The following RAI1 variants were observed in gnomAD, a reference collection of about 807,000 sequenced individuals.
RAI1 encodes the protein retinoic acid induced 1.
In RAI1, 9 loss-of-function variants were observed where a neutral mutation model predicts 123.8. The ratio of observed to expected loss-of-function variants is 0.07; its 90% CI spans 0.04 to 0.13. The LOEUF is 0.13. RAI1 is among the 10% of genes least tolerant of loss of function. RAI1 has a pLI of 1.00. For missense variants in RAI1, 2,256 were observed against 2,545.8 expected (o/e 0.89, Z 2.45); for synonymous variants, 1,231 against 1,127.3 (o/e 1.09, Z -1.84).
In RAI1 at chr17:17,810,685, T is replaced by C; in HGVS notation, c.*704T>C. 9 of 380,446 alleles carry C rather than the reference T, an allele frequency of 2.4e-5. No homozygotes were observed. The highest frequency in any genetic ancestry group is 1.6e-4 in the South Asian group (9 of 55,186). 23.6% of individuals were successfully genotyped at this position (380,446 alleles called of 1,614,324 possible). On this transcript the variant is annotated 3_prime_UTR_variant, in exon 6 of 6. Coordinates refer to ENST00000353383, the MANE Select transcript of RAI1 (RefSeq NM_030665.4). This position sits in a 1 kb window ranked among gnomAD's most constrained non-coding sequence, Gnocchi z 4.6. The stretch of plus-strand genomic sequence containing the variant: ...AGTTAGGGGTTGCGGGATCCCCGAG[T>C]GTGGGCGGGACTGGGACACCCTTTG...
chr17:17,761,842 A>G (rs1006163313), intron 2 of RAI1, among the ~76,000 whole-genome samples: 1 of 151,794 alleles, frequency 6.6e-6, no homozygotes, highest in Non-Finnish European at 1.5e-5. Flanking sequence ...AACACAGTTG[A>G]GTGGGAGAAA....
intron 4 of RAI1, 138 bp downstream of exon 4, chr17:17,803,987 T>C: frequency 1.1e-6 from 1 of 871,750 alleles, no homozygotes; most frequent in Non-Finnish European, 1.9e-6. Flanking sequence ...AGCAATTCTT[T>C]TATCCTTCTG....
chr17:17,709,917 C>T (rs1482953861), intron 1 of RAI1, among the ~76,000 whole-genome samples: 2 of 152,180 alleles, frequency 1.3e-5, no homozygotes, highest in African/African-American at 4.8e-5. Flanking sequence ...AGCAGACAGG[C>T]GTGCGCACAT....
chr17:17,700,185 C>T (rs1200005672), intron 1 of RAI1, among the ~76,000 whole-genome samples: 2 of 152,260 alleles, frequency 1.3e-5, no homozygotes, highest in African/African-American at 4.8e-5. Flanking sequence ...TTTGGGAAAG[C>T]ACATCTGCTC....
intron 2 of RAI1, among the ~76,000 whole-genome samples, chr17:17,730,339 T>C (rs867672710): frequency 1.3e-5 from 2 of 152,230 alleles, no homozygotes; most frequent in African/African-American, 2.4e-5. Context: ...AACTCATGTT[T>C]GCATAATGCA....
intron 2 of RAI1, among the ~76,000 whole-genome samples, chr17:17,731,318 C>T (rs566125621): frequency 1.3e-5 from 2 of 152,302 alleles, no homozygotes; most frequent in East Asian, 1.9e-4. Context: ...GATGCCCTGG[C>T]GAAGGCACCC....
In RAI1 at chr17:17,809,428, C is replaced by G. The variant is rs1039699590; in HGVS notation, c.5698C>G (p.Pro1900Ala). 1.2e-6 allele frequency: 2 copies of G among 1,604,750 alleles called. No individual in the cohort carries two copies. The highest frequency in any genetic ancestry group is 1.7e-6 in the Non-Finnish European group (2 of 1,171,688). Residue 1900 changes from proline to alanine, a missense_variant, in exon 5 of 6, where the codon CCC becomes GCC. This residue lies in a region of RAI1 where 243 missense variants were observed against 316.6 expected (regional missense o/e 0.77). Coordinates refer to ENST00000353383, the MANE Select transcript of RAI1 (RefSeq NM_030665.4). The surrounding 1 kb of genome is among the most constrained non-coding windows in gnomAD (Gnocchi z 4.9). Reference protein sequence around the residue: ...FIEENFSLKCPKHKRLP With the variant: ...FIEENFSLKCAKHKRLP ...CGAAGAGAACTTTTCTTTGAAATGT[C>G]CCAAACATAAGGTAGGGGACCACAG...
chr17:17,739,693 T>G (rs1916554271), intron 2 of RAI1, among the ~76,000 whole-genome samples: 1 of 152,178 alleles, frequency 6.6e-6, no homozygotes, highest in South Asian at 2.1e-4. Flanking sequence ...CATCCCTACC[T>G]CCACTCCTTG....
At chr17:17,733,478 AT>A (rs1916332726) in intron 2 of RAI1, among the ~76,000 whole-genome samples, 2 of 152,184 alleles carry the variant, frequency 1.3e-5, no homozygotes, top group Admixed American at 1.3e-4. Flanking sequence ...AAGATGATTC[AT>A]TCATTCCAGG....
intron 2 of RAI1, among the ~76,000 whole-genome samples, chr17:17,757,745 C>G (rs553618255): frequency 6.6e-6 from 1 of 152,348 alleles, no homozygotes; most frequent in Admixed American, 6.5e-5. Flanking sequence ...AGTGCCACTT[C>G]CGGAGACTAC....
In RAI1 at chr17:17,809,415, T is replaced by C; in HGVS notation, c.5685T>C (p.Phe1895=). 6.2e-7 allele frequency: 1 copy of C among 1,608,238 alleles called. No homozygotes were observed. The highest frequency in any genetic ancestry group is 2.2e-5 in the East Asian group (1 of 44,860). ...GTTGCATATTCATCGAAGAGAACTT[T>C]TCTTTGAAATGTCCCAAACATAAGG... ...DAGCIFIEEN[F]SLKCPKHKRL... Residue 1895 remains phenylalanine, a synonymous_variant, in exon 5 of 6, where the codon TTT becomes TTC. Coordinates refer to ENST00000353383, the MANE Select transcript of RAI1 (RefSeq NM_030665.4). This position sits in a 1 kb window ranked among gnomAD's most constrained non-coding sequence, Gnocchi z 4.9.
At chr17:17,737,686 TGAG>T (rs539972484) in intron 2 of RAI1, among the ~76,000 whole-genome samples, 67 of 152,256 alleles carry the variant, frequency 4.4e-4, no homozygotes, top group African/African-American at 1.6e-3. Flanking sequence ...TGGGGATACC[TGAG>T]GGTGGCCTTA....
intron 2 of RAI1, among the ~76,000 whole-genome samples, chr17:17,761,811 C>A (rs2030707734): frequency 6.6e-6 from 1 of 152,082 alleles, no homozygotes; most frequent in Non-Finnish European, 1.5e-5. Flanking sequence ...TGACTGGGGC[C>A]TGGGCAGCAT....
chr17:17,682,728 C>T (rs1266727664), intron 1 of RAI1, among the ~76,000 whole-genome samples: 2 of 152,302 alleles, frequency 1.3e-5, no homozygotes, highest in East Asian at 1.9e-4. Context: ...CCCCAGCTTC[C>T]TGGGGCGCCC....
At chr17:17,719,984 G>A (rs1915826585) in intron 1 of RAI1, among the ~76,000 whole-genome samples, 1 of 152,202 alleles carries the variant, frequency 6.6e-6, no homozygotes, top group Non-Finnish European at 1.5e-5. Context: ...CCAGGGCTGA[G>A]CTTGAATGCG....
intron 2 of RAI1, among the ~76,000 whole-genome samples, chr17:17,782,981 T>C (rs1426502919): frequency 6.6e-5 from 10 of 152,156 alleles, no homozygotes; most frequent in African/African-American, 2.2e-4. Context: ...TCATCATCTT[T>C]GGTCAAGTGG....
At chr17:17,808,414 A>ATTTTATTTTATTTTATTATT (rs1266596226) in intron 4 of RAI1, among the ~76,000 whole-genome samples, 1 of 125,898 alleles carries the variant, frequency 7.9e-6, no homozygotes, top group African/African-American at 3.2e-5. Flanking sequence ...ATTTTATTTT[A>ATTTTATTTTATTTTATTATT]TTATTTTATT....
intron 4 of RAI1, among the ~76,000 whole-genome samples, chr17:17,805,996 T>C (rs1021610061): frequency 2.0e-5 from 3 of 152,246 alleles, no homozygotes; most frequent in African/African-American, 7.2e-5. Flanking sequence ...ACTTAATGCC[T>C]TGGCTTTCTT....
rs35686634 is a variant in RAI1 at position 17,797,478 on chromosome 17, C to T, written c.4530C>T (p.Pro1510=). The change falls in exon 3 of 6, where the codon CCC becomes CCT. Residue 1510 remains proline (P), a synonymous_variant. Coordinates refer to ENST00000353383, the MANE Select transcript of RAI1 (RefSeq NM_030665.4). ...KMEELGLASQ[P]PEGRPCQPQT... ...AGGAGCTGGGCCTGGCCTCCCAGCC[C>T]CCGGAGGGCAGGCCCTGCCAGCCCC... is the stretch of plus-strand genomic sequence containing the variant. 0.061 allele frequency: 98,868 copies of T among 1,613,206 alleles called. 3,877 individuals are homozygous for T. The highest frequency in any genetic ancestry group is 0.18 in the African/African-American group (13,699 of 74,960).
Sources: gnomAD v4.1 joint callset for allele counts (sites outside exome capture counted in the v4.1 genomes callset) on GRCh38, gnomAD v4.1.1 for gene constraint, gnomAD v4.1.1 regional missense constraint, Gnocchi (gnomAD v3.1) non-coding constraint, MANE v1.5 for transcripts, NCBI Gene and HGNC (gene_info 2026-07-23, HGNC 2026-07-21) for gene names.